COL28A1: variants seen among roughly 807,000 people sequenced by gnomAD.
COL28A1 encodes collagen alpha-1(XXVIII) chain.
A neutral mutation model predicts 150.2 loss-of-function variants in COL28A1; 161 were observed. That is an observed-to-expected ratio of 1.07 (90% CI 0.94 to 1.22). The LOEUF is 1.22. COL28A1 is among the 50% of genes most tolerant of loss of function. The pLI, the probability that COL28A1 is intolerant of heterozygous loss-of-function variation, is 0.00. For synonymous variants in COL28A1, 552 were observed against 469.7 expected (o/e 1.18, Z -2.26); for missense variants, 1,617 against 1,388.3 (o/e 1.16, Z -2.62).
Position 7,438,251 on chromosome 7 carries a change from C to CA in COL28A1, c.1723-790dup, listed in dbSNP as rs538817326. On this transcript the variant is annotated intron_variant, in intron 21 of 34. Transcript: ENST00000399429. ...TGACCAACAGAGCAAAACGCTGTCT[C>CA]AAAAAAAAGAACCCCTATGATTTTA... Among the ~76,000 whole-genome samples the CA allele has an allele frequency of 3.7e-3, 565 of 151,372 alleles. 3 individuals carry two copies. Among genetic ancestry groups the CA allele is most frequent in the Non-Finnish European group, 6.2e-3 (421 of 67,782 alleles).
chr7:7,513,225 G>C (rs999670948), intron 8 of COL28A1, among the ~76,000 whole-genome samples: 7 of 152,106 alleles, frequency 4.6e-5, no homozygotes, highest in Admixed American at 1.3e-4. Flanking sequence ...AGCCTTGCGA[G>C]GTATATATAC....
intron 15 of COL28A1, among the ~76,000 whole-genome samples, chr7:7,465,153 G>T (rs550204213): frequency 1.3e-5 from 2 of 150,968 alleles, no homozygotes; most frequent in Non-Finnish European, 3.0e-5. Flanking sequence ...CAGCGTGAGC[G>T]ACGCAGAAGA....
At chr7:7,482,888 C>G (rs749362172) in intron 13 of COL28A1, among the ~76,000 whole-genome samples, 2 of 152,162 alleles carry the variant, frequency 1.3e-5, no homozygotes, top group Non-Finnish European at 2.9e-5. Flanking sequence ...AGCATCTAAG[C>G]TGGTGCTACA....
chr7:7,512,811 A>G lies in COL28A1; in HGVS notation c.883-1676T>C, dbSNP rs187433195. ...TTTACTTAAATGTACAGGCTACCCAATGACTCCTAGTCCAGTGCTCTCAAC... is the reference window on the plus strand; with the variant it reads ...TTTACTTAAATGTACAGGCTACCCAGTGACTCCTAGTCCAGTGCTCTCAAC... On this transcript the variant is annotated intron_variant, in intron 8 of 34. Coordinates refer to ENST00000399429, the MANE Select transcript of COL28A1 (RefSeq NM_001037763.3). 3.9e-4 allele frequency among the ~76,000 whole-genome samples: 59 copies of G among 152,330 alleles called. No individual in the cohort carries two copies. In the East Asian group the frequency reaches 0.011, roughly 28 times the overall value.
intron 15 of COL28A1, among the ~76,000 whole-genome samples, chr7:7,457,292 G>C (rs1477764244): frequency 6.6e-6 from 1 of 152,128 alleles, no homozygotes. Flanking sequence ...AGAGATGATG[G>C]GGCACAAACC....
chr7:7,422,444 T>C (rs544904904), intron 25 of COL28A1, among the ~76,000 whole-genome samples: 3 of 152,150 alleles, frequency 2.0e-5, no homozygotes, highest in East Asian at 3.9e-4. Flanking sequence ...GCCTGGCCAA[T>C]GTAATGAAAC....
intron 32 of COL28A1, among the ~76,000 whole-genome samples, chr7:7,372,109 T>C (rs1781260256): frequency 6.6e-6 from 1 of 151,892 alleles, no homozygotes; most frequent in African/African-American, 2.4e-5. Flanking sequence ...TTTTAAAAGG[T>C]TGTTCTTTGG....
intron 27 of COL28A1, chr7:7,417,505 G>T: frequency 4.5e-6 from 1 of 222,596 alleles, no homozygotes; most frequent in Non-Finnish European, 8.0e-6. Context: ...AGGAGGGAGG[G>T]GGAGGGAAGG....
Position 7,419,418 on chromosome 7 carries a change from C to T in COL28A1, c.2067+467G>A, listed in dbSNP as rs149018087. 2.6e-5 allele frequency among the ~76,000 whole-genome samples: 4 copies of T among 152,222 alleles called. No individual in the cohort carries two copies. In the East Asian group the frequency reaches 7.7e-4, roughly 29 times the overall value. On this transcript the variant is annotated intron_variant, in intron 26 of 34. Transcript: ENST00000399429. The stretch of plus-strand genomic sequence containing the variant: ...TGAATAACCACCAAACTGAAGGAGA[C>T]ATAGAAAGGAGGGAAACTGGGCCAA...
In COL28A1 at chr7:7,475,585, T is replaced by C. The variant is rs17459836; in HGVS notation, c.1234-916A>G. ...TAATACCTCATATAATATAAAAGTA[T>C]GTTGAACCTGTCACTATGAAATACC... On this transcript the variant is annotated intron_variant, in intron 14 of 34. Coordinates refer to ENST00000399429, the MANE Select transcript of COL28A1 (RefSeq NM_001037763.3). 4.6e-3 allele frequency among the ~76,000 whole-genome samples: 708 copies of C among 152,322 alleles called. 5 individuals are homozygous for C. The highest frequency in any genetic ancestry group is 0.022 in the East Asian group (115 of 5,188).
chr7:7,513,403 A>G (rs922153720), intron 8 of COL28A1, among the ~76,000 whole-genome samples: 11 of 152,160 alleles, frequency 7.2e-5, no homozygotes, highest in African/African-American at 2.7e-4. Flanking sequence ...TTAACCTGAC[A>G]TTTCTGCCTA....
At chr7:7,452,659 G>A (rs567228318) in intron 17 of COL28A1, among the ~76,000 whole-genome samples, 29 of 152,324 alleles carry the variant, frequency 1.9e-4, no homozygotes, top group African/African-American at 6.7e-4. Context: ...AGCCCCTTGT[G>A]GAGGGTATCT....
At chr7:7,416,268 C>T (rs1784070922) in intron 27 of COL28A1, among the ~76,000 whole-genome samples, 1 of 152,162 alleles carries the variant, frequency 6.6e-6, no homozygotes, top group Non-Finnish European at 1.5e-5. Flanking sequence ...CCTGGTTTCA[C>T]CCAGGATGGA....
At chr7:7,491,911 A>C (rs946509324) in intron 11 of COL28A1, among the ~76,000 whole-genome samples, 2 of 152,172 alleles carry the variant, frequency 1.3e-5, no homozygotes, top group African/African-American at 4.8e-5. Context: ...ATGCAAAGAA[A>C]ATTTTAAATT....
upstream of COL28A1, among the ~76,000 whole-genome samples, chr7:7,538,954 CT>C (rs575564044): frequency 1.3e-5 from 2 of 149,990 alleles, no homozygotes; most frequent in East Asian, 1.9e-4. Flanking sequence ...TTCTTTCTTT[CT>C]TTTTTTCTTT....
intron 27 of COL28A1, among the ~76,000 whole-genome samples, chr7:7,398,588 G>A (rs1211082661): frequency 1.3e-5 from 2 of 152,134 alleles, no homozygotes; most frequent in African/African-American, 2.4e-5. Context: ...TAGTGCAAAG[G>A]GTGCCATGGC....
At chr7:7,355,496 G>C (rs1035594411), downstream of COL28A1, among the ~76,000 whole-genome samples, 1 of 152,068 alleles carries the variant, frequency 6.6e-6, no homozygotes, top group African/African-American at 2.4e-5. Flanking sequence ...TGTAGTCCTA[G>C]CTACTCAGGA....
intron 27 of COL28A1, among the ~76,000 whole-genome samples, chr7:7,402,952 G>A (rs1487861017): frequency 6.6e-6 from 1 of 152,164 alleles, no homozygotes; most frequent in South Asian, 2.1e-4. Context: ...TAGCTACTGT[G>A]TATCCAGGTG....
chr7:7,497,010 GCCT>G (rs1780244962), intron 11 of COL28A1, among the ~76,000 whole-genome samples: 1 of 149,698 alleles, frequency 6.7e-6, no homozygotes, highest in African/African-American at 2.5e-5. Context: ...GGTCAAGAAA[GCCT>G]CCTTTTGGAA....
Sources: allele counts gnomAD v4.1 joint callset (sites outside exome capture counted in the v4.1 genomes callset), GRCh38; gene constraint gnomAD v4.1.1; transcripts MANE v1.5; gene names NCBI Gene and HGNC (gene_info 2026-07-23, HGNC 2026-07-21).